NALF1: variants seen among roughly 807,000 people sequenced by gnomAD.
NALF1 encodes the protein family with sequence similarity 155 member A.
A neutral mutation model predicts 48.4 loss-of-function variants in NALF1; 3 were observed. The observed-to-expected ratio is 0.06, with a 90% CI of 0.03 to 0.16. The LOEUF is 0.16. Among genes scored for constraint, NALF1 ranks in the 10% least tolerant of loss-of-function variants. NALF1 has a pLI of 1.00. For missense variants in NALF1, 526 were observed against 571.5 expected, an observed-to-expected ratio of 0.92 and a Z score of 0.81; for synonymous variants, 262 against 245.7, an observed-to-expected ratio of 1.07 and a Z score of -0.62.
intron 1 of NALF1, among the ~76,000 whole-genome samples, chr13:107,752,212 A>G (rs1269655973): frequency 2.0e-5 from 3 of 152,074 alleles, no homozygotes; most frequent in African/African-American, 7.2e-5. Context: ...TAGATTGCCA[A>G]TTCATTGAAT....
At chr13:107,447,106 T>TC (rs1566346265) in intron 1 of NALF1, among the ~76,000 whole-genome samples, 1 of 152,168 alleles carries the variant, frequency 6.6e-6, no homozygotes, top group South Asian at 2.1e-4. Context: ...TATTCCCTCT[T>TC]CCAAGTTTGC....
chr13:107,304,409 G>A (rs530065722), intron 1 of NALF1, among the ~76,000 whole-genome samples: 1 of 152,336 alleles, frequency 6.6e-6, no homozygotes, highest in Admixed American at 6.5e-5. Context: ...AGCATAGTAA[G>A]TGCAGCATCT....
chr13:107,172,599 GAATT>G (rs1274362341), intron 2 of NALF1, among the ~76,000 whole-genome samples: 1 of 152,026 alleles, frequency 6.6e-6, no homozygotes, highest in African/African-American at 2.4e-5. Flanking sequence ...AAAAAAAACT[GAATT>G]AATGAGGTCT....
chr13:107,346,268 C>A (rs932454777), intron 1 of NALF1, among the ~76,000 whole-genome samples: 1 of 152,172 alleles, frequency 6.6e-6, no homozygotes, highest in Non-Finnish European at 1.5e-5. Context: ...AGCAATCCCA[C>A]TTCTGGGTAT....
chr13:107,502,898 C>T (rs1282540233), intron 1 of NALF1, among the ~76,000 whole-genome samples: 1 of 152,014 alleles, frequency 6.6e-6, no homozygotes, highest in African/African-American at 2.4e-5. Context: ...ATGAAAATGG[C>T]CATCAAAGAG....
intron 1 of NALF1, among the ~76,000 whole-genome samples, chr13:107,658,470 C>T (rs1283836076): frequency 6.6e-6 from 1 of 152,086 alleles, no homozygotes; most frequent in Non-Finnish European, 1.5e-5. Context: ...CACTCTGTAC[C>T]TCAAACTGTA....
chr13:107,426,706 C>T (rs1051578752), intron 1 of NALF1, among the ~76,000 whole-genome samples: 4 of 152,054 alleles, frequency 2.6e-5, no homozygotes, highest in Non-Finnish European at 5.9e-5. Context: ...GTAGCTTCAA[C>T]ATTTCTCAAT....
At chr13:107,728,221 A>T (rs1013099456) in intron 1 of NALF1, among the ~76,000 whole-genome samples, 2 of 152,230 alleles carry the variant, frequency 1.3e-5, no homozygotes, top group African/African-American at 4.8e-5. Context: ...TTCTATAAAG[A>T]CACATGCCCA....
At chr13:107,748,464 T>G (rs1229498988) in intron 1 of NALF1, among the ~76,000 whole-genome samples, 1 of 152,222 alleles carries the variant, frequency 6.6e-6, no homozygotes, top group African/African-American at 2.4e-5. Context: ...GCTACATGTA[T>G]AGTATTTATA....
intron 1 of NALF1, among the ~76,000 whole-genome samples, chr13:107,679,441 G>A (rs1466275526): frequency 1.3e-5 from 2 of 152,190 alleles, no homozygotes; most frequent in East Asian, 1.9e-4. Context: ...CGGGGGCTGG[G>A]TGAGGGAGGG....
intron 1 of NALF1, among the ~76,000 whole-genome samples, chr13:107,757,341 C>G (rs1198667005): frequency 6.6e-6 from 1 of 150,708 alleles, no homozygotes; most frequent in African/African-American, 2.4e-5. Context: ...TTTGGAGAAA[C>G]AGCAATTTTG....
At chr13:107,378,942 A>G (rs1048018183) in intron 1 of NALF1, among the ~76,000 whole-genome samples, 1 of 152,208 alleles carries the variant, frequency 6.6e-6, no homozygotes, top group African/African-American at 2.4e-5. Context: ...TCAGGGTTTG[A>G]TATTTTCAAT....
intron 1 of NALF1, among the ~76,000 whole-genome samples, chr13:107,409,450 T>C (rs776523637): frequency 6.6e-6 from 1 of 152,098 alleles, no homozygotes; most frequent in Non-Finnish European, 1.5e-5. Context: ...TTAGAGAGAA[T>C]TCTTGGAGGA....
At chr13:107,565,081 A>AG (rs1877760480) in intron 1 of NALF1, among the ~76,000 whole-genome samples, 1 of 149,568 alleles carries the variant, frequency 6.7e-6, no homozygotes, top group Non-Finnish European at 1.5e-5. Flanking sequence ...AAAAAAAAAA[A>AG]AAACCTAGCA....
At chr13:107,679,471 T>TCA (rs1450063232) in intron 1 of NALF1, among the ~76,000 whole-genome samples, 1 of 152,212 alleles carries the variant, frequency 6.6e-6, no homozygotes, top group African/African-American at 2.4e-5. Flanking sequence ...GAGCCAGCCC[T>TCA]CACTGTGCAA....
intron 1 of NALF1, among the ~76,000 whole-genome samples, chr13:107,636,264 C>A (rs1338878208): frequency 6.6e-6 from 1 of 152,036 alleles, no homozygotes; most frequent in African/African-American, 2.4e-5. Flanking sequence ...TGATCAAAAC[C>A]AAAGCCGCCA....
chr13:107,376,077 C>G (rs1413981206), intron 1 of NALF1, among the ~76,000 whole-genome samples: 2 of 152,116 alleles, frequency 1.3e-5, no homozygotes, highest in African/African-American at 2.4e-5. Flanking sequence ...CATTTGGAAG[C>G]CAGACCTCAT....
chr13:107,377,021 C>T (rs913129245), intron 1 of NALF1, among the ~76,000 whole-genome samples: 2 of 152,294 alleles, frequency 1.3e-5, no homozygotes, highest in Admixed American at 6.5e-5. Flanking sequence ...TCCCTTCCCT[C>T]CCAGCAGATT....
chr13:107,434,506 C>G (rs1344089889), intron 1 of NALF1, among the ~76,000 whole-genome samples: 1 of 152,146 alleles, frequency 6.6e-6, no homozygotes, highest in Non-Finnish European at 1.5e-5. Flanking sequence ...ATTTTGCCAG[C>G]CTACCTCTCC....
Sources: gnomAD v4.1 joint callset for allele counts (sites outside exome capture counted in the v4.1 genomes callset) on GRCh38, gnomAD v4.1.1 for gene constraint, MANE v1.5 for transcripts, NCBI Gene and HGNC (gene_info 2026-07-23, HGNC 2026-07-21) for gene names.